Variants in CTIF observed in about 807,000 individuals in gnomAD.
CTIF encodes the protein cap binding complex dependent translation initiation factor, also known as CBP80/20-dependent translation initiation factor.
In CTIF, 21 loss-of-function variants were observed where a neutral mutation model predicts 66.0. That is an observed-to-expected ratio of 0.32 (90% CI 0.23 to 0.46). The LOEUF is 0.46. Ranked by LOEUF, CTIF falls within the 20% of genes least tolerant of loss-of-function variation. The pLI, the probability that CTIF is intolerant of heterozygous loss-of-function variation, is 1.00. For synonymous variants in CTIF, 345 were observed against 326.4 expected, an observed-to-expected ratio of 1.06 and a Z score of -0.62; for missense variants, 739 against 812.7, an observed-to-expected ratio of 0.91 and a Z score of 1.10.
chr18:48,793,615 T>C (rs1344865202), intron 9 of CTIF, among the ~76,000 whole-genome samples: 1 of 152,210 alleles, frequency 6.6e-6, no homozygotes, highest in African/African-American at 2.4e-5. Context: ...GGCCACAGGC[T>C]CCAGGGGGCT....
At position 48,783,298 on chromosome 18, in the gene CTIF, G is replaced by A. The variant is rs117086201; in HGVS notation, c.1371+21609G>A. On this transcript the variant is annotated intron_variant, in intron 9 of 11. Transcript: ENST00000256413. ...TATGTATGGAATGACTTGAAAAGTC[G>A]TCGACTGCCCTTTCTGGGAAGGACT... Among the ~76,000 whole-genome samples the A allele has an allele frequency of 2.3e-3, 351 of 152,276 alleles. 2 individuals carry two copies. The highest frequency in any genetic ancestry group is 3.9e-3 in the Non-Finnish European group (262 of 68,028).
chr18:48,585,005 G>A (rs1235456730), intron 1 of CTIF, among the ~76,000 whole-genome samples: 1 of 152,228 alleles, frequency 6.6e-6, no homozygotes, highest in Non-Finnish European at 1.5e-5. Context: ...AAGGACAGAG[G>A]CACCTATTGG....
chr18:48,824,621 C>T (rs1599114233), intron 10 of CTIF, among the ~76,000 whole-genome samples: 1 of 145,764 alleles, frequency 6.9e-6, no homozygotes, highest in Admixed American at 6.9e-5. Flanking sequence ...CTTTTCTCTC[C>T]TTTTTTTTTT....
At chr18:48,710,814 A>T (rs78061288) in intron 6 of CTIF, among the ~76,000 whole-genome samples, 3,678 of 152,308 alleles carry the variant, frequency 0.024, 46 homozygotes, top group Middle Eastern at 0.065. Flanking sequence ...TCTGCAAAAA[A>T]TCAAAAAACA....
At chr18:48,853,483 C>T (rs1167310614) in intron 10 of CTIF, among the ~76,000 whole-genome samples, 1 of 152,104 alleles carries the variant, frequency 6.6e-6, no homozygotes, top group Non-Finnish European at 1.5e-5. Context: ...CGTGTGCAGC[C>T]CATACTGTTC....
At chr18:48,771,514 G>C in intron 9 of CTIF, among the ~76,000 whole-genome samples, 1 of 152,196 alleles carries the variant, frequency 6.6e-6, no homozygotes, top group East Asian at 1.9e-4. Context: ...CATCACCCGT[G>C]TCCCTTGCCA....
intron 1 of CTIF, among the ~76,000 whole-genome samples, chr18:48,564,632 G>GTTTTA (rs1487974064): frequency 3.3e-5 from 5 of 152,054 alleles, no homozygotes; most frequent in Admixed American, 3.3e-4. Flanking sequence ...GTTTTGTTTT[G>GTTTTA]TTTTGAGACA....
intron 1 of CTIF, among the ~76,000 whole-genome samples, chr18:48,606,842 G>C (rs2090210647): frequency 6.6e-6 from 1 of 152,120 alleles, no homozygotes; most frequent in African/African-American, 2.4e-5. Flanking sequence ...TTCCTAATTT[G>C]TACAAGGGGG....
At chr18:48,720,470 G>A (rs1446799336) in intron 7 of CTIF, among the ~76,000 whole-genome samples, 1 of 152,112 alleles carries the variant, frequency 6.6e-6, no homozygotes, top group Non-Finnish European at 1.5e-5. Flanking sequence ...CTTTGCCCAC[G>A]GTTTGTCTTT....
intron 1 of CTIF, among the ~76,000 whole-genome samples, chr18:48,598,737 A>T (rs964198508): frequency 6.6e-6 from 1 of 152,212 alleles, no homozygotes; most frequent in Non-Finnish European, 1.5e-5. Context: ...AATGAGCATG[A>T]TAGCACCAAT....
chr18:48,552,038 G>A (rs1220935728), intron 1 of CTIF, among the ~76,000 whole-genome samples: 1 of 152,090 alleles, frequency 6.6e-6, no homozygotes, highest in African/African-American at 2.4e-5. Flanking sequence ...TCCTGACCTC[G>A]TGATCCGCCC....
chr18:48,857,447 A>C (rs974876777), intron 10 of CTIF, 141 bp from the exon 11 acceptor site: 2 of 655,372 alleles, frequency 3.1e-6, no homozygotes, highest in African/African-American at 3.7e-5. Context: ...GTGGGCTCTC[A>C]CTCTAGCCTG....
At chr18:48,744,526 TAA>T (rs1041684944) in intron 7 of CTIF, among the ~76,000 whole-genome samples, 3 of 152,208 alleles carry the variant, frequency 2.0e-5, no homozygotes, top group Admixed American at 1.3e-4. Flanking sequence ...CCTGTGATGT[TAA>T]CATTTTATCC....
At chr18:48,778,369 G>A (rs908679021) in intron 9 of CTIF, among the ~76,000 whole-genome samples, 3 of 152,224 alleles carry the variant, frequency 2.0e-5, no homozygotes, top group African/African-American at 7.2e-5. Flanking sequence ...AGGGGAGGAT[G>A]TGAGCAGGTC....
At chr18:48,786,268 G>T (rs1911698090) in intron 9 of CTIF, among the ~76,000 whole-genome samples, 1 of 152,140 alleles carries the variant, frequency 6.6e-6, no homozygotes, top group Non-Finnish European at 1.5e-5. Context: ...AGTCACGATT[G>T]GTCCCTAGTC....
intron 10 of CTIF, among the ~76,000 whole-genome samples, chr18:48,817,620 G>T (rs1232578726): frequency 6.6e-6 from 1 of 151,986 alleles, no homozygotes; most frequent in Admixed American, 6.6e-5. Flanking sequence ...TACTAAAAAT[G>T]CAAAAATTAA....
chr18:48,699,862 C>A (rs927030323), intron 6 of CTIF, among the ~76,000 whole-genome samples: 1 of 152,246 alleles, frequency 6.6e-6, no homozygotes, highest in African/African-American at 2.4e-5. Context: ...GTGGCAGTGA[C>A]AGCATCTAGC....
At chr18:48,832,606 G>A (rs935340063) in intron 10 of CTIF, among the ~76,000 whole-genome samples, 4 of 152,210 alleles carry the variant, frequency 2.6e-5, no homozygotes, top group African/African-American at 4.8e-5. Flanking sequence ...GACAGAAATC[G>A]TGGCCGAGTG....
At chr18:48,698,744 C>T (rs77603403) in intron 6 of CTIF, among the ~76,000 whole-genome samples, 3,005 of 152,280 alleles carry the variant, frequency 0.02, 63 homozygotes, top group South Asian at 0.069. Flanking sequence ...TTCTGATGCC[C>T]TAATCTAAAG....
Sources: gnomAD v4.1 joint callset for allele counts (sites outside exome capture counted in the v4.1 genomes callset) on GRCh38, gnomAD v4.1.1 for gene constraint, MANE v1.5 for transcripts, NCBI Gene and HGNC (gene_info 2026-07-23, HGNC 2026-07-21) for gene names.